The following SUSD1 variants were observed in gnomAD, a reference collection of about 807,000 sequenced individuals.
The protein encoded by SUSD1 is sushi domain-containing protein 1.
In SUSD1, 65 loss-of-function variants were observed where a neutral mutation model predicts 86.9. The ratio of observed to expected loss-of-function variants is 0.75; its 90% CI spans 0.61 to 0.92. The LOEUF (loss-of-function observed/expected upper bound fraction) is 0.92, where lower values mean the gene tolerates loss of function less well. Ranked by LOEUF, SUSD1 falls within the 40% of genes least tolerant of loss-of-function variation. The pLI is 0.00. For missense variants in SUSD1, 850 were observed against 929.7 expected, an observed-to-expected ratio of 0.91 and a Z score of 1.11; for synonymous variants, 346 against 350.0, an observed-to-expected ratio of 0.99 and a Z score of 0.13.
At chr9:112,130,102 T>C (rs941917982) in intron 5 of SUSD1, among the ~76,000 whole-genome samples, 7 of 152,104 alleles carry the variant, frequency 4.6e-5, no homozygotes, top group Admixed American at 6.6e-5. Context: ...CAGCCAGGCA[T>C]GGTGGCTCAC....
At chr9:112,064,589 C>T (rs534671233) in intron 12 of SUSD1, among the ~76,000 whole-genome samples, 6 of 152,252 alleles carry the variant, frequency 3.9e-5, no homozygotes, top group Admixed American at 1.3e-4. Flanking sequence ...TCATTTTGGC[C>T]GGGTGCGGGG....
At chr9:112,159,499 T>C (rs1232260195) in intron 1 of SUSD1, among the ~76,000 whole-genome samples, 2 of 152,214 alleles carry the variant, frequency 1.3e-5, no homozygotes, top group Non-Finnish European at 2.9e-5. Flanking sequence ...ACTTATTGTA[T>C]CTCAGACCGT....
chr9:112,145,664 T>G (rs868412783), intron 3 of SUSD1, among the ~76,000 whole-genome samples: 1 of 152,182 alleles, frequency 6.6e-6, no homozygotes, highest in Non-Finnish European at 1.5e-5. Context: ...TTTATATTCT[T>G]TATTCTTTTT....
intron 15 of SUSD1, chr9:112,052,198 G>A: frequency 6.6e-7 from 1 of 1,510,356 alleles, no homozygotes; most frequent in Non-Finnish European, 8.8e-7. Context: ...TTCTTGGTGG[G>A]GTAGCTCTTT....
Position 112,068,828 on chromosome 9 carries a change from G to A in SUSD1, c.1754-5795C>T, listed in dbSNP as rs572277667. Among the ~76,000 whole-genome samples, 13 of 152,244 alleles carry A rather than the reference G, an allele frequency of 8.5e-5. No individual in the cohort carries two copies. The South Asian group carries it at 1.0e-3, about 12-fold the overall frequency. ...CCAATAATCCAGGTCGGAAGTGCTC[G>A]AGGTCTGCTGCAAGTGAGAGCACTG... On this transcript the variant is annotated intron_variant, in intron 12 of 16. Coordinates refer to ENST00000374270, the MANE Select transcript of SUSD1 (RefSeq NM_022486.5).
At chr9:112,138,281 G>GTATATACACACACATAT (rs1491304710) in intron 5 of SUSD1, among the ~76,000 whole-genome samples, 1 of 47,238 alleles carries the variant, frequency 2.1e-5, no homozygotes, top group African/African-American at 9.4e-5. Context: ...ATATATATAT[G>GTATATACACACACATAT]AAGTCCAGGA....
intron 9 of SUSD1, among the ~76,000 whole-genome samples, chr9:112,099,880 G>A (rs1830553645): frequency 1.3e-5 from 2 of 152,112 alleles, no homozygotes; most frequent in Non-Finnish European, 2.9e-5. Context: ...TAACTTAAAG[G>A]TCCTTACAGA....
intron 10 of SUSD1, among the ~76,000 whole-genome samples, chr9:112,097,730 C>G (rs1388912865): frequency 6.6e-6 from 1 of 152,034 alleles, no homozygotes; most frequent in African/African-American, 2.4e-5. Flanking sequence ...GCCAAACTGC[C>G]CACCCTGACC....
At chr9:112,095,134 G>A (rs1323052979) in intron 10 of SUSD1, among the ~76,000 whole-genome samples, 1 of 152,186 alleles carries the variant, frequency 6.6e-6, no homozygotes, top group Non-Finnish European at 1.5e-5. Context: ...ATGGCAGGTC[G>A]AGAGCTCTGT....
chr9:112,068,225 T>C (rs1829078671), intron 12 of SUSD1, among the ~76,000 whole-genome samples: 1 of 152,136 alleles, frequency 6.6e-6, no homozygotes, highest in Non-Finnish European at 1.5e-5. Flanking sequence ...GGCAGGGAGC[T>C]GAGCCTATCA....
chr9:112,056,428 C>T (rs1452434563), intron 14 of SUSD1, among the ~76,000 whole-genome samples: 1 of 152,182 alleles, frequency 6.6e-6, no homozygotes, highest in African/African-American at 2.4e-5. Context: ...CTGAACTACA[C>T]TTTAAAATGG....
At chr9:112,054,253 A>G (rs1019108789) in intron 14 of SUSD1, among the ~76,000 whole-genome samples, 2 of 152,186 alleles carry the variant, frequency 1.3e-5, no homozygotes, top group African/African-American at 4.8e-5. Flanking sequence ...GTCAAATAAT[A>G]GTTAACAAGA....
chr9:112,089,828 A>AAAAAG (rs1475015396), intron 10 of SUSD1, among the ~76,000 whole-genome samples: 3 of 145,578 alleles, frequency 2.1e-5, no homozygotes, highest in African/African-American at 2.6e-5. Flanking sequence ...AAAAAAAAAA[A>AAAAAG]AAAAGAAAAG....
At chr9:112,151,472 CT>C (rs1405752087) in intron 2 of SUSD1, among the ~76,000 whole-genome samples, 1 of 151,230 alleles carries the variant, frequency 6.6e-6, no homozygotes, top group Admixed American at 6.6e-5. Flanking sequence ...TGGCGGGCAC[CT>C]GTAATTCCAA....
At position 112,062,924 on chromosome 9, in the gene SUSD1, G is replaced by A; in HGVS notation, c.1850+13C>T. On this transcript the variant is annotated intron_variant, in intron 13 of 16. Coordinates refer to ENST00000374270, the MANE Select transcript of SUSD1 (RefSeq NM_022486.5). ...GATCACTGGGCAACCGTGGAGAAAGGACAGCTACTGACCTGATTGGTCCAT... is the reference window on the plus strand; with the variant it reads ...GATCACTGGGCAACCGTGGAGAAAGAACAGCTACTGACCTGATTGGTCCAT... 1.9e-6 allele frequency: 3 copies of A among 1,571,332 alleles called. No homozygotes were observed. Among genetic ancestry groups the A allele is most frequent in the Non-Finnish European group, 2.6e-6 (3 of 1,144,698 alleles).
At chr9:112,096,118 C>G (rs1830385745) in intron 10 of SUSD1, among the ~76,000 whole-genome samples, 1 of 152,138 alleles carries the variant, frequency 6.6e-6, no homozygotes, top group Non-Finnish European at 1.5e-5. Context: ...AGAGGCTGAA[C>G]TATGGCATGC....
At chr9:112,140,423 CCAGTTA>C (rs1019220949) in intron 5 of SUSD1, among the ~76,000 whole-genome samples, 1 of 150,910 alleles carries the variant, frequency 6.6e-6, no homozygotes, top group African/African-American at 2.4e-5. Flanking sequence ...TGCCTGTAGT[CCAGTTA>C]CTCAGGAGGC....
Position 112,058,602 on chromosome 9 carries a change from G to T in SUSD1, c.1935C>A (p.Asn645Lys), listed in dbSNP as rs372845796. ...CCACGTATCCATCAGCATCAGAGGC[G>T]TTGCTAAAGAAGGAGGAAGCGCCTT... is the stretch of plus-strand genomic sequence containing the variant. The part of the protein sequence containing the change: ...DSEGASSFFS[N>K]ASDADGYVAA... The change falls in exon 14 of 17, where the codon AAC becomes AAA. Residue 645 changes from asparagine (N) to lysine (K), a missense_variant. Physicochemically the swap from Asn to Lys is moderately conservative, Grantham distance 94. Coordinates refer to ENST00000374270, the MANE Select transcript of SUSD1 (RefSeq NM_022486.5). 1.9e-6 allele frequency: 3 copies of T among 1,614,154 alleles called. No homozygotes were observed. In the South Asian group the frequency reaches 3.3e-5, roughly 18 times the overall value.
At chr9:112,080,207 GAA>G in intron 10 of SUSD1, 42 bp from the exon 11 acceptor site, 1 of 1,420,024 alleles carries the variant, frequency 7.0e-7, no homozygotes, top group South Asian at 1.2e-5. Flanking sequence ...ACACTCTATA[GAA>G]AAAATGCTAC....
Sources: gnomAD v4.1 joint callset for allele counts (sites outside exome capture counted in the v4.1 genomes callset) on GRCh38, gnomAD v4.1.1 for gene constraint, MANE v1.5 for transcripts, NCBI Gene and HGNC (gene_info 2026-07-23, HGNC 2026-07-21) for gene names.